HPSE2: variants seen among roughly 807,000 people sequenced by gnomAD.
HPSE2 encodes the protein heparanase 2 (inactive).
In HPSE2, 38 loss-of-function variants were observed where a neutral mutation model predicts 60.5. That is an observed-to-expected ratio of 0.63 (90% CI 0.48 to 0.82). The LOEUF (loss-of-function observed/expected upper bound fraction) is 0.82, where lower values mean the gene tolerates loss of function less well. Among genes scored for constraint, HPSE2 ranks in the 40% least tolerant of loss-of-function variants. The pLI, the probability that HPSE2 is intolerant of heterozygous loss-of-function variation, is 0.00. For synonymous variants in HPSE2, 295 were observed against 293.2 expected (o/e 1.01, Z -0.06); for missense variants, 713 against 740.4 (o/e 0.96, Z 0.43).
chr10:98,540,160 A>G (rs143272475), intron 9 of HPSE2, among the ~76,000 whole-genome samples: 14 of 152,364 alleles, frequency 9.2e-5, no homozygotes, highest in African/African-American at 2.6e-4. Context: ...TGCTAGGAAC[A>G]TAGGAGGAAG....
intron 9 of HPSE2, among the ~76,000 whole-genome samples, chr10:98,559,240 C>A (rs144490093): frequency 6.6e-6 from 1 of 152,148 alleles, no homozygotes; most frequent in Non-Finnish European, 1.5e-5. Flanking sequence ...GTTAGCCAGG[C>A]TGGTCTTAAA....
intron 3 of HPSE2, among the ~76,000 whole-genome samples, chr10:99,081,879 G>T (rs770936662): frequency 1.3e-5 from 2 of 151,826 alleles, no homozygotes; most frequent in Non-Finnish European, 2.9e-5. Flanking sequence ...CACGTGATCC[G>T]CCCGCCTGGG....
chr10:98,799,864 T>C (rs1306950244), intron 3 of HPSE2, among the ~76,000 whole-genome samples: 1 of 151,802 alleles, frequency 6.6e-6, no homozygotes, highest in Non-Finnish European at 1.5e-5. Flanking sequence ...TAATGATGCA[T>C]CTTAAAGAAT....
intron 3 of HPSE2, among the ~76,000 whole-genome samples, chr10:98,863,629 C>G (rs1952513722): frequency 6.6e-6 from 1 of 152,124 alleles, no homozygotes; most frequent in African/African-American, 2.4e-5. Context: ...GATGCTCAAG[C>G]CTACCTGCAA....
upstream of HPSE2, among the ~76,000 whole-genome samples, chr10:99,237,260 C>A (rs1304461297): frequency 6.6e-6 from 1 of 152,136 alleles, no homozygotes; most frequent in Non-Finnish European, 1.5e-5. Context: ...TGCGGGCAGT[C>A]AGAAACGCAG....
At chr10:98,740,681 A>G (rs966294402) in intron 4 of HPSE2, among the ~76,000 whole-genome samples, 2 of 152,156 alleles carry the variant, frequency 1.3e-5, no homozygotes, top group Non-Finnish European at 2.9e-5. Flanking sequence ...CCAATGCTAG[A>G]TTTGCTCTAG....
intron 2 of HPSE2, among the ~76,000 whole-genome samples, chr10:99,190,366 T>C (rs1427913935): frequency 6.6e-6 from 1 of 152,188 alleles, no homozygotes; most frequent in Non-Finnish European, 1.5e-5. Flanking sequence ...ACAGAAATAA[T>C]GAAAGAATCT....
intron 3 of HPSE2, among the ~76,000 whole-genome samples, chr10:99,112,612 A>C (rs1844515146): frequency 6.6e-6 from 1 of 152,078 alleles, no homozygotes. Flanking sequence ...TCAAATGAAG[A>C]TAAAGTTATT....
At chr10:98,923,506 C>T (rs1369464820) in intron 3 of HPSE2, among the ~76,000 whole-genome samples, 1 of 152,108 alleles carries the variant, frequency 6.6e-6, no homozygotes, top group Non-Finnish European at 1.5e-5. Context: ...TCTCTACCTC[C>T]TCTTTAAAGC....
At chr10:98,849,143 T>C (rs1952106205) in intron 3 of HPSE2, among the ~76,000 whole-genome samples, 1 of 152,090 alleles carries the variant, frequency 6.6e-6, no homozygotes, top group Admixed American at 6.6e-5. Context: ...TTGTCCAAAA[T>C]CAACCATCTA....
intron 3 of HPSE2, among the ~76,000 whole-genome samples, chr10:98,793,184 T>G (rs1009843981): frequency 7.9e-5 from 12 of 152,224 alleles, no homozygotes; most frequent in Non-Finnish European, 1.3e-4. Context: ...ACAAGTTAAA[T>G]TTGAAAACTC....
chr10:98,829,397 G>A lies in HPSE2; in HGVS notation c.611-85341C>T, dbSNP rs567076025. On this transcript the variant is annotated intron_variant, in intron 3 of 11. Coordinates refer to ENST00000370552, the MANE Select transcript of HPSE2 (RefSeq NM_021828.5). The stretch of plus-strand genomic sequence containing the variant: ...ACAAAAATTAGCCAGGTGTGGTGGC[G>A]TGGTGAGGTTAGCCTCAGGAGGCTA... Among the ~76,000 whole-genome samples, 19 of 152,040 alleles carry A rather than the reference G, an allele frequency of 1.2e-4. No homozygotes were observed. In the South Asian group the frequency reaches 3.1e-3, roughly 25 times the overall value.
At chr10:99,189,219 T>A (rs1010150037) in intron 2 of HPSE2, among the ~76,000 whole-genome samples, 5 of 152,260 alleles carry the variant, frequency 3.3e-5, no homozygotes, top group African/African-American at 1.2e-4. Context: ...TGAGCTTGTT[T>A]ATCATACAAG....
At chr10:99,241,849 C>T in the HPSE2 span, among the ~76,000 whole-genome samples, 7 of 152,284 alleles carry the variant, frequency 4.6e-5, no homozygotes, top group East Asian at 1.3e-3. Context: ...AATACATCCC[C>T]TTAACTAATG....
rs78962285 is a variant in HPSE2 at position 98,621,690 on chromosome 10, G to A, written c.1099-982C>T. ...GTGTCTCAGAACTGACCCCCAAGGG[G>A]ATACAAGGGAAAGCATGAGTAGCCT... On this transcript the variant is annotated intron_variant, in intron 7 of 11. Coordinates refer to ENST00000370552, the MANE Select transcript of HPSE2 (RefSeq NM_021828.5). Among the ~76,000 whole-genome samples, 1,142 of 152,362 alleles carry A rather than the reference G, an allele frequency of 7.5e-3. 5 individuals are homozygous for A. The highest frequency in any genetic ancestry group is 0.013 in the Non-Finnish European group (878 of 68,042).
intron 3 of HPSE2, among the ~76,000 whole-genome samples, chr10:98,754,235 T>G (rs1582108): frequency 6.6e-6 from 1 of 152,136 alleles, no homozygotes; most frequent in Admixed American, 6.5e-5. Flanking sequence ...AACAGCAGAA[T>G]AGATCAAGCT....
At chr10:99,039,354 T>C (rs1305142767) in intron 3 of HPSE2, among the ~76,000 whole-genome samples, 2 of 152,124 alleles carry the variant, frequency 1.3e-5, no homozygotes, top group East Asian at 3.9e-4. Context: ...CTCAACTGTC[T>C]TGAATACGAC....
the HPSE2 span, among the ~76,000 whole-genome samples, chr10:99,312,448 T>C: frequency 6.6e-6 from 1 of 152,274 alleles, no homozygotes; most frequent in Non-Finnish European, 1.5e-5. Flanking sequence ...TTAAATCTAC[T>C]TTGCCTGTGT....
intron 3 of HPSE2, among the ~76,000 whole-genome samples, chr10:98,809,837 T>C (rs1951126730): frequency 6.6e-6 from 1 of 152,156 alleles, no homozygotes; most frequent in African/African-American, 2.4e-5. Flanking sequence ...TCTCAAGACA[T>C]TGACTTTAAT....
Sources: allele counts gnomAD v4.1 joint callset (sites outside exome capture counted in the v4.1 genomes callset), GRCh38; gene constraint gnomAD v4.1.1; transcripts MANE v1.5; gene names NCBI Gene and HGNC (gene_info 2026-07-23, HGNC 2026-07-21).